ZFYVE26: variants seen among roughly 807,000 people sequenced by gnomAD.
ZFYVE26 encodes the protein zinc finger FYVE-type containing 26.
Under a neutral mutation model 276.5 loss-of-function variants are expected in ZFYVE26, and 181 were observed. The ratio of observed to expected loss-of-function variants is 0.65; its 90% CI spans 0.58 to 0.74. ZFYVE26 has a LOEUF of 0.74. ZFYVE26 is among the 30% of genes least tolerant of loss of function. The pLI, the probability that ZFYVE26 is intolerant of heterozygous loss-of-function variation, is 0.00. For missense variants in ZFYVE26, 2,821 were observed against 3,097.9 expected, an observed-to-expected ratio of 0.91 and a Z score of 2.12; for synonymous variants, 1,129 against 1,203.1, an observed-to-expected ratio of 0.94 and a Z score of 1.27.
At position 67,761,537 on chromosome 14, in the gene ZFYVE26, A is replaced by G. The variant is rs2038929793; in HGVS notation, c.6417T>C (p.Leu2139=). 3 of 1,614,090 alleles carry G rather than the reference A, an allele frequency of 1.9e-6. No homozygotes were observed. The highest frequency in any genetic ancestry group is 1.7e-5 in the Admixed American group (1 of 60,000). The part of the protein sequence containing the change: ...FATLRELEAT[L]RTQSLSLAVI... ...CTGCCAGAGAAAGGCTCTGCGTCCGAAGGGTAGCTTCCAGTTCCCTCAGGG... is the reference window on the plus strand; with the variant it reads ...CTGCCAGAGAAAGGCTCTGCGTCCGGAGGGTAGCTTCCAGTTCCCTCAGGG... Residue 2139 remains leucine (L), a synonymous_variant, in exon 35 of 42, where the codon CTT becomes CTC. Transcript: ENST00000347230.
chr14:67,743,294 C>A (rs2038440541), downstream of ZFYVE26, among the ~76,000 whole-genome samples: 2 of 152,026 alleles, frequency 1.3e-5, no homozygotes, highest in African/African-American at 4.8e-5. Flanking sequence ...TTGAGACCAG[C>A]CTGAGCAACA....
intron 13 of ZFYVE26, among the ~76,000 whole-genome samples, chr14:67,733,040 G>T (rs967576258): frequency 6.6e-6 from 1 of 152,048 alleles, no homozygotes; most frequent in East Asian, 1.9e-4. Flanking sequence ...GTTCATGGGT[G>T]CAGCACACCA....
chr14:67,738,105 T>G (rs1024598763), intron 13 of ZFYVE26, among the ~76,000 whole-genome samples: 10 of 151,896 alleles, frequency 6.6e-5, no homozygotes, highest in Middle Eastern at 3.2e-3. Context: ...GGCAAAAATA[T>G]AGAAAAATAG....
chr14:67,801,516 G>A (rs530908641), intron 10 of ZFYVE26, among the ~76,000 whole-genome samples: 2 of 152,214 alleles, frequency 1.3e-5, no homozygotes, highest in South Asian at 2.1e-4. Flanking sequence ...CCAAAGCTAG[G>A]AGAGAGGGAA....
In ZFYVE26 at chr14:67,778,031, G is replaced by T. The variant is rs940897178; in HGVS notation, c.4797+95C>A. 4 of 1,553,600 alleles carry T rather than the reference G, an allele frequency of 2.6e-6. No individual in the cohort carries two copies. In the South Asian group the frequency reaches 4.5e-5, roughly 17 times the overall value. On this transcript the variant is annotated intron_variant, in intron 24 of 41. Transcript: ENST00000347230. ...GAAAGATCAGAAGAGGCATAGCTGA[G>T]ATTGCATGGGATTCAACATGAAAAT...
In ZFYVE26 at chr14:67,813,925, A is replaced by G. The variant is rs1362264251; in HGVS notation, c.273+61T>C. The G allele has an allele frequency of 1.1e-5, 13 of 1,185,868 alleles. No individual in the cohort carries two copies. The South Asian group carries it at 1.2e-4, about 11-fold the overall frequency. The allele number at this position is 1,185,868 out of a possible 1,614,324, so 73.5% of individuals were successfully genotyped here. A position where few individuals can be genotyped will look rare whatever the true frequency, so the allele number is the denominator to read the frequency against. On this transcript the variant is annotated intron_variant, in intron 3 of 41. Coordinates refer to ENST00000347230, the MANE Select transcript of ZFYVE26 (RefSeq NM_015346.4). The stretch of plus-strand genomic sequence containing the variant: ...TAACAGACAGAAGGGAAATCCCACA[A>G]CTACTTTCAAGTTCTTCTCAGTCCT...
At position 67,746,940 on chromosome 14, in the gene ZFYVE26, A is replaced by T. The variant is rs1426876192; in HGVS notation, c.*1496T>A. On this transcript the variant is annotated 3_prime_UTR_variant, in exon 42 of 42. Transcript: ENST00000347230. ...TACAGTCTTTCTCCTCTCTAACAGG[A>T]CCAAAACTTCTCATCTGACAGATGT... The T allele has an allele frequency of 6.6e-6, 1 of 152,598 alleles. No individual in the cohort carries two copies. Among genetic ancestry groups the T allele is most frequent in the Non-Finnish European group, 1.5e-5 (1 of 68,036 alleles). 9.5% of individuals were successfully genotyped at this position (152,598 alleles called of 1,614,324 possible). A position where few individuals can be genotyped will look rare whatever the true frequency, so the allele number is the denominator to read the frequency against.
rs774433876 is a variant in ZFYVE26, at chr14:67,755,151, T to C, written c.6886A>G (p.Lys2296Glu). The C allele has an allele frequency of 1.2e-6, 2 of 1,614,204 alleles. No homozygotes were observed. Among genetic ancestry groups the C allele is most frequent in the African/African-American group, 1.3e-5 (1 of 75,048 alleles). ...TGGAGGTAGATCTTCAGGTGGTCCTTGGCCTTAAGTAGCCATGAGAGCTTC... is the reference window on the plus strand; with the variant it reads ...TGGAGGTAGATCTTCAGGTGGTCCTCGGCCTTAAGTAGCCATGAGAGCTTC... ...GEKLSWLLKA[K>E]DHLKIYLQET... Residue 2296 changes from lysine (K) to glutamate (E), a missense_variant, in exon 37 of 42, where the codon AAG becomes GAG. Physicochemically the swap from Lys to Glu is moderately conservative, Grantham distance 56. Transcript: ENST00000347230.
In ZFYVE26 at chr14:67,802,144, T is replaced by G. The variant is rs1453401891; in HGVS notation, c.1574A>C (p.Lys525Thr). ...SHQHSQCQDCKDSLSEDLASA... is the reference protein window; with the variant it reads ...SHQHSQCQDCTDSLSEDLASA... ...GGCCAGGTCCTCAGAGAGGCTGTCTTTGCAGTCCTGGCACTGGGAGTGCTG... is the reference window on the plus strand; with the variant it reads ...GGCCAGGTCCTCAGAGAGGCTGTCTGTGCAGTCCTGGCACTGGGAGTGCTG... The change falls in exon 10 of 42, where the codon AAA (lysine) becomes ACA (threonine). Residue 525 changes from lysine (K) to threonine (T), a missense_variant. Coordinates refer to ENST00000347230, the MANE Select transcript of ZFYVE26 (RefSeq NM_015346.4). 3.1e-6 allele frequency: 5 copies of G among 1,614,030 alleles called. No individual in the cohort carries two copies. In the South Asian group the frequency reaches 4.4e-5, roughly 14 times the overall value.
chr14:67,761,302 C>A, intron 35 of ZFYVE26, 64 bp downstream of exon 35: 1 of 1,465,440 alleles, frequency 6.8e-7, no homozygotes, highest in Non-Finnish European at 9.4e-7. Flanking sequence ...CCGCTTAAGG[C>A]TGAGTGGTCC....
chr14:67,753,937 C>A (rs2038711705), intron 38 of ZFYVE26, 134 bp downstream of exon 38: 2 of 1,526,842 alleles, frequency 1.3e-6, no homozygotes, highest in Admixed American at 3.3e-5. Context: ...GATCACCAGT[C>A]TTTGGTGGCT....
chr14:67,776,302 G>C (rs1020209448), intron 25 of ZFYVE26, among the ~76,000 whole-genome samples, 196 bp from the exon 26 acceptor site: 5 of 152,230 alleles, frequency 3.3e-5, no homozygotes, highest in African/African-American at 1.2e-4. Context: ...AGTACTCCAA[G>C]TACCTTCACC....
chr14:67,812,556 T>C (rs942137505), intron 3 of ZFYVE26, among the ~76,000 whole-genome samples: 2 of 152,172 alleles, frequency 1.3e-5, no homozygotes, highest in African/African-American at 4.8e-5. Flanking sequence ...TTATATAGTT[T>C]TAAAATTCTA....
At chr14:67,745,683 T>C (rs2140172928), downstream of ZFYVE26, among the ~76,000 whole-genome samples, 1 of 152,020 alleles carries the variant, frequency 6.6e-6, no homozygotes, top group South Asian at 2.1e-4. Context: ...TTGGTTGATA[T>C]TGAAAAGATA....
At chr14:67,790,241 C>G (rs10139482) in intron 15 of ZFYVE26, among the ~76,000 whole-genome samples, 9,804 of 152,288 alleles carry the variant, frequency 0.064, 947 homozygotes, top group African/African-American at 0.21. Context: ...TGAGTAATTA[C>G]ATGGGAAGGA....
chr14:67,754,274 A>C, intron 37 of ZFYVE26, 62 bp from the exon 38 acceptor site: 1 of 1,604,518 alleles, frequency 6.2e-7, no homozygotes, highest in Non-Finnish European at 8.5e-7. Flanking sequence ...TGAGGCCAGG[A>C]GACTGAGAAG....
chr14:67,729,431 C>T, exon 14 of ZFYVE26: 2 of 1,547,826 alleles, frequency 1.3e-6, no homozygotes, highest in Non-Finnish European at 1.8e-6. Context: ...ATGGGAGGTG[C>T]CGGACTCGCT....
chr14:67,777,545 C>T lies in ZFYVE26; in HGVS notation c.4974+14G>A, dbSNP rs756251723. 2.6e-5 allele frequency: 42 copies of T among 1,613,270 alleles called. 1 individual carries two copies. The highest frequency in any genetic ancestry group is 1.8e-4 in the Middle Eastern group (1 of 5,680). The stretch of plus-strand genomic sequence containing the variant: ...TCCCACATACAGCGCCTGGATTTCA[C>T]GGTGTATCCTTACCTTGGATCCCAC... On this transcript the variant is annotated intron_variant, in intron 25 of 41. Transcript: ENST00000347230.
At chr14:67,800,642 C>G (rs1009683091) in intron 10 of ZFYVE26, among the ~76,000 whole-genome samples, 4 of 151,940 alleles carry the variant, frequency 2.6e-5, no homozygotes, top group African/African-American at 9.7e-5. Context: ...TTTGTGAGAA[C>G]AATACATAGA....
Sources: gnomAD v4.1 joint callset for allele counts (sites outside exome capture counted in the v4.1 genomes callset) on GRCh38, gnomAD v4.1.1 for gene constraint, MANE v1.5 for transcripts, NCBI Gene and HGNC (gene_info 2026-07-23, HGNC 2026-07-21) for gene names.